TRIM58: variants seen among roughly 807,000 people sequenced by gnomAD.
TRIM58 encodes the protein E3 ubiquitin-protein ligase TRIM58.
A neutral mutation model predicts 34.1 loss-of-function variants in TRIM58; 38 were observed. The ratio of observed to expected loss-of-function variants is 1.12; its 90% CI spans 0.86 to 1.46. The LOEUF is 1.46. Ranked by LOEUF, TRIM58 falls within the 40% of genes most tolerant of loss-of-function variation. The pLI is 0.00. For missense variants in TRIM58, 677 were observed against 642.0 expected, an observed-to-expected ratio of 1.05 and a Z score of -0.59; for synonymous variants, 273 against 275.7, an observed-to-expected ratio of 0.99 and a Z score of 0.10.
At chr1:247,868,088 A>G (rs1179710521) in intron 5 of TRIM58, 25 bp downstream of exon 5, 1 of 1,570,132 alleles carries the variant, frequency 6.4e-7, no homozygotes, top group Non-Finnish European at 8.7e-7. Context: ...GAGACTGGGA[A>G]TTAGGCTGCC....
At chr1:247,873,688 C>T (rs1418917445) in intron 5 of TRIM58, among the ~76,000 whole-genome samples, 1 of 152,186 alleles carries the variant, frequency 6.6e-6, no homozygotes, top group Non-Finnish European at 1.5e-5. Flanking sequence ...ATTCACTAGA[C>T]CGGGCGTGGC....
chr1:247,871,262 C>T (rs1054672505), intron 5 of TRIM58, among the ~76,000 whole-genome samples: 2 of 152,176 alleles, frequency 1.3e-5, no homozygotes, highest in African/African-American at 2.4e-5. Context: ...TATGAAAGCA[C>T]TGCAAAGTTA....
rs1156636539 is a variant in TRIM58 at position 247,880,079 on chromosome 1, G to A, written c.*3590G>A. ...GCACCCCCAATGCTGGTTTGTATGTGGTTATCATTCAATCTGTATTTGTTG... is the reference window on the plus strand; with the variant it reads ...GCACCCCCAATGCTGGTTTGTATGTAGTTATCATTCAATCTGTATTTGTTG... On this transcript the variant is annotated 3_prime_UTR_variant, in exon 6 of 6. Transcript: ENST00000366481. Among the ~76,000 whole-genome samples the A allele has an allele frequency of 6.6e-6, 1 of 152,044 alleles. No homozygotes were observed. Among genetic ancestry groups the A allele is most frequent in the Non-Finnish European group, 1.5e-5 (1 of 68,020 alleles).
At chr1:247,861,132 G>A (rs1217695394) in intron 2 of TRIM58, among the ~76,000 whole-genome samples, 3 of 152,104 alleles carry the variant, frequency 2.0e-5, no homozygotes, top group Non-Finnish European at 4.4e-5. Flanking sequence ...TGAACGTTTA[G>A]CCTTTTTTTT....
rs946703 is a variant in TRIM58 at position 247,878,923 on chromosome 1, T to A, written c.*2434T>A. Among the ~76,000 whole-genome samples, 1 of 152,130 alleles carries A rather than the reference T, an allele frequency of 6.6e-6. No individual in the cohort carries two copies. The highest frequency in any genetic ancestry group is 2.4e-5 in the African/African-American group (1 of 41,400). ...AGTTTTGTGTGTCTCCTGTAATGAC[T>A]CTTCTCTTTCCCTTTCCAACTCCTG... On this transcript the variant is annotated 3_prime_UTR_variant, in exon 6 of 6. Coordinates refer to ENST00000366481, the MANE Select transcript of TRIM58 (RefSeq NM_015431.4).
intron 5 of TRIM58, among the ~76,000 whole-genome samples, chr1:247,871,097 A>G (rs866847498): frequency 6.6e-6 from 1 of 152,212 alleles, no homozygotes; most frequent in Non-Finnish European, 1.5e-5. Context: ...TGGTTAGACT[A>G]TGGGCTTAAA....
Position 247,878,222 on chromosome 1 carries a change from T to A in TRIM58, c.*1733T>A, listed in dbSNP as rs1382362648. 6.6e-6 allele frequency: 1 copy of A among 151,700 alleles called. No homozygotes were observed. Among genetic ancestry groups the A allele is most frequent in the Non-Finnish European group, 1.5e-5 (1 of 67,976 alleles). The allele number at this position is 151,700 out of a possible 1,614,324, so 9.4% of individuals were successfully genotyped here. On this transcript the variant is annotated 3_prime_UTR_variant, in exon 6 of 6. Transcript: ENST00000366481. ...AAATAAATAAATATTACACAAATGC[T>A]AAAATGTTTAAATGGTAAATGCTTC...
intron 3 of TRIM58, among the ~76,000 whole-genome samples, chr1:247,867,480 G>A (rs989380579): frequency 2.6e-5 from 4 of 152,074 alleles, no homozygotes; most frequent in African/African-American, 9.7e-5. Flanking sequence ...GATCACCTGA[G>A]GTCAGGAGTT....
chr1:247,858,834 C>T (rs182207454), intron 1 of TRIM58, among the ~76,000 whole-genome samples: 3 of 141,912 alleles, frequency 2.1e-5, no homozygotes, highest in African/African-American at 5.2e-5. Context: ...AATCTCGGCT[C>T]ATTGCAACCT....
chr1:247,859,017 G>A (rs1663714968), intron 1 of TRIM58, among the ~76,000 whole-genome samples: 1 of 151,898 alleles, frequency 6.6e-6, no homozygotes, highest in Non-Finnish European at 1.5e-5. Flanking sequence ...CATCCGCCGT[G>A]GCCTCCCAAA....
At chr1:247,863,870 G>A (rs1663856026) in intron 2 of TRIM58, among the ~76,000 whole-genome samples, 1 of 152,190 alleles carries the variant, frequency 6.6e-6, no homozygotes, top group Admixed American at 6.5e-5. Flanking sequence ...TCTGAAATCA[G>A]TGGCCTGAGC....
chr1:247,867,802 A>G, intron 3 of TRIM58, 43 bp from the exon 4 acceptor site: 1 of 1,613,276 alleles, frequency 6.2e-7, no homozygotes, highest in Non-Finnish European at 8.5e-7. Context: ...TGTGAAAAGC[A>G]GTTCAGAGTC....
rs1292119771 is a variant in TRIM58, at chr1:247,876,364, CCTTA to C, written c.1340_1343del (p.Tyr447PhefsTer16). 6.2e-7 allele frequency: 1 copy of C among 1,614,198 alleles called. No homozygotes were observed. The highest frequency in any genetic ancestry group is 1.7e-5 in the Admixed American group (1 of 60,012). ...CCAACTCTTCTCTGGTCTTCTTCGG[CCTTA>C]CTTTTTCATCTGTGATGCAACTCCT... On this transcript the variant is annotated frameshift_variant, in exon 6 of 6. Transcript: ENST00000366481. LOFTEE classifies it low-confidence loss of function (END_TRUNC).
Position 247,870,250 on chromosome 1 carries a change from G to A in TRIM58, c.871+2187G>A, listed in dbSNP as rs536528956. ...GGGTAAAATTCCCTGGTCTCCTTCC[G>A]TGGGAGAGTGCACCATGCCCAGAAA... On this transcript the variant is annotated intron_variant, in intron 5 of 5. Transcript: ENST00000366481. Among the ~76,000 whole-genome samples the A allele has an allele frequency of 2.5e-4, 38 of 152,268 alleles. No individual in the cohort carries two copies. In the South Asian group the frequency reaches 6.2e-3, roughly 25 times the overall value.
At chr1:247,872,341 G>T (rs1259134571) in intron 5 of TRIM58, among the ~76,000 whole-genome samples, 1 of 152,148 alleles carries the variant, frequency 6.6e-6, no homozygotes, top group Non-Finnish European at 1.5e-5. Flanking sequence ...ATGTTATTAC[G>T]GAAGGTGCCG....
chr1:247,870,866 C>T (rs1480717287), intron 5 of TRIM58, among the ~76,000 whole-genome samples: 1 of 51,142 alleles, frequency 2.0e-5, no homozygotes, highest in African/African-American at 1.4e-4. Context: ...TGCACCACCA[C>T]GCCCAGAAGA....
Position 247,868,756 on chromosome 1 carries a change from C to T in TRIM58, c.871+693C>T, listed in dbSNP as rs114427245. Among the ~76,000 whole-genome samples, 297 of 152,202 alleles carry T rather than the reference C, an allele frequency of 2.0e-3. 2 individuals carry two copies. The highest frequency in any genetic ancestry group is 6.6e-3 in the African/African-American group (275 of 41,506). On this transcript the variant is annotated intron_variant, in intron 5 of 5. Transcript: ENST00000366481. Reference sequence around the variant, plus strand: ...CATATTTACTCATTTATTATAAGGGCGTTACAGAGGCTAGAGATGAACAGA... The same window carrying T: ...CATATTTACTCATTTATTATAAGGGTGTTACAGAGGCTAGAGATGAACAGA...
At chr1:247,873,641 G>A (rs151209114) in intron 5 of TRIM58, among the ~76,000 whole-genome samples, 142 of 152,256 alleles carry the variant, frequency 9.3e-4, no homozygotes, top group Non-Finnish European at 1.4e-3. Context: ...AATGCAATGC[G>A]CAGTTACGTG....
At chr1:247,865,058 T>C in intron 3 of TRIM58, 123 bp downstream of exon 3, 1 of 886,966 alleles carries the variant, frequency 1.1e-6, no homozygotes, top group Non-Finnish European at 1.7e-6. Flanking sequence ...CCCTCAAATT[T>C]ACTCAGAAGG....
Sources: allele counts gnomAD v4.1 joint callset (sites outside exome capture counted in the v4.1 genomes callset), GRCh38; gene constraint gnomAD v4.1.1; transcripts MANE v1.5; gene names NCBI Gene and HGNC (gene_info 2026-07-23, HGNC 2026-07-21).